The following PHOSPHO1 variants were observed in gnomAD, a reference collection of about 807,000 sequenced individuals.
PHOSPHO1 encodes the protein phosphoethanolamine/phosphocholine phosphatase 1.
Under a neutral mutation model 17.7 loss-of-function variants are expected in PHOSPHO1, and 6 were observed. The ratio of observed to expected loss-of-function variants is 0.34; its 90% CI spans 0.19 to 0.67. PHOSPHO1 has a LOEUF of 0.67. Among genes scored for constraint, PHOSPHO1 ranks in the 30% least tolerant of loss-of-function variants. The pLI, the probability that PHOSPHO1 is intolerant of heterozygous loss-of-function variation, is 0.69. For missense variants in PHOSPHO1, 330 were observed against 392.1 expected (o/e 0.84, Z 1.34); for synonymous variants, 159 against 174.6 (o/e 0.91, Z 0.71).
rs939547519 is a variant in PHOSPHO1, at chr17:49,230,784, C to G, written c.-384G>C. The G allele has an allele frequency of 6.5e-6, 1 of 154,554 alleles. No individual in the cohort carries two copies. The highest frequency in any genetic ancestry group is 1.4e-5 in the Non-Finnish European group (1 of 69,096). The allele number at this position is 154,554 out of a possible 1,614,324, so 9.6% of individuals were successfully genotyped here. On this transcript the variant is annotated 5_prime_UTR_variant, in exon 1 of 3. Transcript: ENST00000310544. ...GGAGCCGCGGCCGGCGCTGCGGCTG[C>G]TGCAGCAGCGGAGCCCACCGCAGTC... is the stretch of plus-strand genomic sequence containing the variant.
At chr17:49,226,081 C>T (rs1598252519) in intron 2 of PHOSPHO1, among the ~76,000 whole-genome samples, 1 of 152,108 alleles carries the variant, frequency 6.6e-6, no homozygotes, top group Admixed American at 6.6e-5. Context: ...GCAATGGAGG[C>T]AGCAAGAGCC....
chr17:49,225,407 G>C (rs2043344444), intron 2 of PHOSPHO1: 2 of 985,214 alleles, frequency 2.0e-6, no homozygotes, highest in Admixed American at 1.2e-4. Context: ...CCCTGTTGTT[G>C]GTGTGGATCA....
In PHOSPHO1 at chr17:49,224,976, G is replaced by A; in HGVS notation, c.74C>T (p.Pro25Leu). 2 of 1,553,320 alleles carry A rather than the reference G, an allele frequency of 1.3e-6. No individual in the cohort carries two copies. Among genetic ancestry groups the A allele is most frequent in the Non-Finnish European group, 1.7e-6 (2 of 1,149,946 alleles). Reference sequence around the variant, plus strand: ...GAAGTCGAAGGTCAGGAGGAAGCGCGGCGCGCCCTGCGCGGCCATCCTGCC... The same window carrying A: ...GAAGTCGAAGGTCAGGAGGAAGCGCAGCGCGCCCTGCGCGGCCATCCTGCC... ...RDGRMAAQGAPRFLLTFDFDE... is the reference protein window; with the variant it reads ...RDGRMAAQGALRFLLTFDFDE... Residue 25 changes from proline (P) to leucine (L), a missense_variant, in exon 3 of 3, where the codon CCG (proline) becomes CTG (leucine). By Grantham distance (98) the Pro-to-Leu change is moderately conservative. Transcript: ENST00000310544.
intron 1 of PHOSPHO1, chr17:49,229,261 C>T (rs1296123514): frequency 1.3e-5 from 2 of 152,184 alleles, no homozygotes; most frequent in Non-Finnish European, 2.9e-5. Flanking sequence ...TCACCTCTGA[C>T]ACCTTTGTTC....
intron 1 of PHOSPHO1, among the ~76,000 whole-genome samples, chr17:49,229,935 T>G (rs1009558516): frequency 2.0e-5 from 3 of 152,140 alleles, no homozygotes; most frequent in Non-Finnish European, 4.4e-5. Context: ...AGCTCCCCCC[T>G]TGGCCCTGGA....
chr17:49,224,169 T>G lies in PHOSPHO1; in HGVS notation c.*77A>C. 6.9e-7 allele frequency: 1 copy of G among 1,448,734 alleles called. No individual in the cohort carries two copies. The allele number at this position is 1,448,734 out of a possible 1,614,324, so 89.7% of individuals were successfully genotyped here. ...CAAAGCCAAAGGGAAAAGGGAGTAG[T>G]AAAGCTGTCTTTGCCGAATCTCCCT... is the stretch of plus-strand genomic sequence containing the variant. On this transcript the variant is annotated 3_prime_UTR_variant, in exon 3 of 3. Coordinates refer to ENST00000310544, the MANE Select transcript of PHOSPHO1 (RefSeq NM_178500.4).
intron 2 of PHOSPHO1, 58 bp downstream of exon 2, chr17:49,226,589 G>A (rs145267664): frequency 6.3e-7 from 1 of 1,576,998 alleles, no homozygotes; most frequent in Non-Finnish European, 8.7e-7. Flanking sequence ...ATGGAAAGGT[G>A]ATGGGAAACT....
chr17:49,225,024 C>A lies in PHOSPHO1; in HGVS notation c.46-20G>T, dbSNP rs2143559853. The A allele has an allele frequency of 2.0e-6, 3 of 1,482,820 alleles. No homozygotes were observed. The highest frequency in any genetic ancestry group is 2.7e-6 in the Non-Finnish European group (3 of 1,117,676). The allele number at this position is 1,482,820 out of a possible 1,614,324, so 91.9% of individuals were successfully genotyped here. A position where few individuals can be genotyped will look rare whatever the true frequency, so the allele number is the denominator to read the frequency against. On this transcript the variant is annotated intron_variant, in intron 2 of 2. Coordinates refer to ENST00000310544, the MANE Select transcript of PHOSPHO1 (RefSeq NM_178500.4). ...GCCGTCCTGGGAGCAGGGGGGAGAG[C>A]AGCAGGAGGAGGAGGAGGAGGGGGC...
intron 1 of PHOSPHO1, among the ~76,000 whole-genome samples, chr17:49,229,400 T>C (rs1433661216): frequency 6.6e-6 from 1 of 152,062 alleles, no homozygotes; most frequent in African/African-American, 2.4e-5. Context: ...CATATTCTAG[T>C]CCCACCTAAA....
At chr17:49,225,758 C>A in intron 2 of PHOSPHO1, 1 of 1,276,046 alleles carries the variant, frequency 7.8e-7, no homozygotes. Flanking sequence ...AAGAGCCTCC[C>A]GCACCAGGCC....
chr17:49,225,514 C>T (rs1188887247), intron 2 of PHOSPHO1: 12 of 1,225,634 alleles, frequency 9.8e-6, no homozygotes, highest in Non-Finnish European at 1.2e-5. Flanking sequence ...TTTCCTCATT[C>T]TCCTTTTGGG....
At chr17:49,227,284 G>A (rs1409672950) in intron 1 of PHOSPHO1, among the ~76,000 whole-genome samples, 1 of 152,160 alleles carries the variant, frequency 6.6e-6, no homozygotes, top group Non-Finnish European at 1.5e-5. Context: ...CATAGCTGGG[G>A]TCTGGGACCC....
At chr17:49,227,176 T>C (rs1221410513) in intron 1 of PHOSPHO1, among the ~76,000 whole-genome samples, 1 of 152,206 alleles carries the variant, frequency 6.6e-6, no homozygotes, top group African/African-American at 2.4e-5. Context: ...CCAGCCACGC[T>C]GTTTACATGG....
chr17:49,224,623 G>T lies in PHOSPHO1; in HGVS notation c.427C>A (p.Arg143Ser), dbSNP rs1357094003. ...LRAAGHHSLF[R>S]RILSNPSGPD... Reference sequence around the variant, plus strand: ...CCCGACGGGTTGCTGAGGATGCGGCGGAACAGGCTGTGGTGGCCGGCGGCG... The same window carrying T: ...CCCGACGGGTTGCTGAGGATGCGGCTGAACAGGCTGTGGTGGCCGGCGGCG... The change falls in exon 3 of 3, where the codon CGC becomes AGC. Residue 143 changes from arginine to serine, a missense_variant. Transcript: ENST00000310544. 2.5e-6 allele frequency: 4 copies of T among 1,581,696 alleles called. No individual in the cohort carries two copies. Among genetic ancestry groups the T allele is most frequent in the Non-Finnish European group, 3.4e-6 (4 of 1,169,734 alleles).
rs2043325387 is a variant in PHOSPHO1 at position 49,224,319 on chromosome 17, C to T, written c.731G>A (p.Arg244His). 2 of 1,592,670 alleles carry T rather than the reference C, an allele frequency of 1.3e-6. No individual in the cohort carries two copies. The highest frequency in any genetic ancestry group is 1.3e-5 in the African/African-American group (1 of 74,640). Reference protein sequence around the residue: ...EAQKAEPSSFRASVVPWETAA... With the variant: ...EAQKAEPSSFHASVVPWETAA... ...CGTTTCCCAGGGCACCACGCTGGCG[C>T]GGAACGAGCTGGGCTCGGCCTTCTG... The change falls in exon 3 of 3, where the codon CGC (arginine) becomes CAC (histidine). Residue 244 changes from arginine to histidine, a missense_variant. Transcript: ENST00000310544.
intron 1 of PHOSPHO1, among the ~76,000 whole-genome samples, chr17:49,229,569 C>T (rs1266652908): frequency 6.6e-6 from 1 of 152,104 alleles, no homozygotes; most frequent in African/African-American, 2.4e-5. Context: ...TCCCCTCTTA[C>T]TGGGCAGATG....
intron 1 of PHOSPHO1, among the ~76,000 whole-genome samples, chr17:49,229,821 C>G (rs1289407888): frequency 1.3e-5 from 2 of 152,196 alleles, no homozygotes; most frequent in African/African-American, 4.8e-5. Context: ...ATAGGAAAAA[C>G]AGAGGCCCAG....
At chr17:49,229,363 A>G (rs1428914782) in intron 1 of PHOSPHO1, among the ~76,000 whole-genome samples, 1 of 152,182 alleles carries the variant, frequency 6.6e-6, no homozygotes, top group Non-Finnish European at 1.5e-5. Context: ...AGCAGGGAGA[A>G]GGGCTTCTGG....
chr17:49,225,753 C>G lies in PHOSPHO1; in HGVS notation c.46-749G>C, dbSNP rs764938461. 3.1e-6 allele frequency: 4 copies of G among 1,278,966 alleles called. No individual in the cohort carries two copies. The South Asian group carries it at 5.0e-5, about 16-fold the overall frequency. 79.2% of individuals were successfully genotyped at this position (1,278,966 alleles called of 1,614,324 possible). On this transcript the variant is annotated intron_variant, in intron 2 of 2. Transcript: ENST00000310544. ...GCAGTGGGGCTTGGGGAGGTAAGAG[C>G]CTCCCGCACCAGGCCATGACACACC...
Sources: gnomAD v4.1 joint callset for allele counts (sites outside exome capture counted in the v4.1 genomes callset) on GRCh38, gnomAD v4.1.1 for gene constraint, MANE v1.5 for transcripts, NCBI Gene and HGNC (gene_info 2026-07-23, HGNC 2026-07-21) for gene names.